The following INSYN2B variants were observed in gnomAD, a reference collection of about 807,000 sequenced individuals.
INSYN2B encodes inhibitory synaptic factor family member 2B.
In INSYN2B, 16 loss-of-function variants were observed where a neutral mutation model predicts 41.2. That is an observed-to-expected ratio of 0.39 (90% confidence interval 0.26 to 0.59). The LOEUF is 0.59. Ranked by LOEUF, INSYN2B falls within the 20% of genes least tolerant of loss-of-function variation. INSYN2B has a pLI of 0.57. For synonymous variants in INSYN2B, 245 were observed against 244.4 expected (o/e 1.00, Z -0.02); for missense variants, 608 against 646.4 (o/e 0.94, Z 0.64).
chr5:169,869,981 A>G lies in INSYN2B; in HGVS notation c.1422-5522T>C, dbSNP rs756148832. Among the ~76,000 whole-genome samples, 75 of 152,280 alleles carry G rather than the reference A, an allele frequency of 4.9e-4. 1 individual carries two copies. The highest frequency in any genetic ancestry group is 6.0e-4 in the Non-Finnish European group (41 of 68,034). On this transcript the variant is annotated intron_variant, in intron 3 of 3. Transcript: ENST00000377365. ...GAACCCTGGCTTACAGTGGAGGGCA[A>G]ATAGTAGTTAAGAAATTGTTACAAT... is the stretch of plus-strand genomic sequence containing the variant.
chr5:169,875,988 T>A (rs1561786787), intron 3 of INSYN2B: 1 of 152,248 alleles, frequency 6.6e-6, no homozygotes, highest in Non-Finnish European at 1.5e-5. Context: ...CCTCCAGAGC[T>A]GTAAATCAGA....
At chr5:169,874,274 G>A (rs1013113611) in intron 3 of INSYN2B, among the ~76,000 whole-genome samples, 2 of 151,998 alleles carry the variant, frequency 1.3e-5, no homozygotes, top group Non-Finnish European at 2.9e-5. Context: ...TTAGCTGGGT[G>A]TGGTGGCGGG....
At chr5:169,900,771 G>A (rs753832180) in intron 1 of INSYN2B, among the ~76,000 whole-genome samples, 19 of 151,886 alleles carry the variant, frequency 1.3e-4, no homozygotes, top group African/African-American at 2.7e-4. Flanking sequence ...AGGGAGAGCC[G>A]CAAAGAAGCT....
intron 1 of INSYN2B, among the ~76,000 whole-genome samples, chr5:169,960,950 A>G (rs1025650420): frequency 2.0e-5 from 3 of 152,204 alleles, no homozygotes; most frequent in African/African-American, 7.2e-5. Context: ...TGAACTGAAT[A>G]TATATACTAG....
chr5:169,886,919 T>C lies in INSYN2B; in HGVS notation c.-918-2103A>G, dbSNP rs147539492. Among the ~76,000 whole-genome samples the C allele has an allele frequency of 1.7e-4, 26 of 152,318 alleles. No individual in the cohort carries two copies. The East Asian group carries it at 5.0e-3, about 29-fold the overall frequency. On this transcript the variant is annotated intron_variant, in intron 1 of 3. Coordinates refer to ENST00000377365, the MANE Select transcript of INSYN2B (RefSeq NM_001129891.3). ...ATTGATTATGTGCCAGGCATTGTGA[T>C]TGGTATGTTTCATTTACTCTCTTCC...
At chr5:169,869,522 G>C (rs1771809938) in intron 3 of INSYN2B, among the ~76,000 whole-genome samples, 1 of 152,190 alleles carries the variant, frequency 6.6e-6, no homozygotes, top group South Asian at 2.1e-4. Context: ...CAGTTTGGAA[G>C]GGAGGAGAGG....
At position 169,976,595 on chromosome 5, in the gene INSYN2B, A is replaced by T. The variant is rs1581495621; in HGVS notation, c.-919+3682T>A. On this transcript the variant is annotated intron_variant, in intron 1 of 3. Transcript: ENST00000377365. ...TCAAGTGATCTCAAAAAGAAAAAAA[A>T]GAAGAAAATTTAAAGTGATTTCACA... Among the ~76,000 whole-genome samples the T allele has an allele frequency of 3.3e-5, 5 of 152,232 alleles. No homozygotes were observed. The South Asian group carries it at 1.0e-3, about 32-fold the overall frequency.
chr5:169,900,140 G>C (rs931312485), intron 1 of INSYN2B, among the ~76,000 whole-genome samples: 1 of 152,176 alleles, frequency 6.6e-6, no homozygotes, highest in African/African-American at 2.4e-5. Context: ...ACACCTCCAA[G>C]CTCTCAGATC....
At chr5:169,871,597 G>A (rs988891659) in intron 3 of INSYN2B, among the ~76,000 whole-genome samples, 23 of 152,288 alleles carry the variant, frequency 1.5e-4, no homozygotes, top group Admixed American at 7.2e-4. Context: ...GTCAGAATCC[G>A]AACCCTGACA....
chr5:169,902,826 G>T (rs752708351), intron 1 of INSYN2B, among the ~76,000 whole-genome samples: 1 of 152,230 alleles, frequency 6.6e-6, no homozygotes, highest in Non-Finnish European at 1.5e-5. Flanking sequence ...GAGGCCAGGC[G>T]TGGTGGCTCA....
chr5:169,923,520 A>G (rs1775286699), intron 1 of INSYN2B, among the ~76,000 whole-genome samples: 1 of 151,726 alleles, frequency 6.6e-6, no homozygotes, highest in Admixed American at 6.6e-5. Flanking sequence ...CACTCTTTGC[A>G]GGGGAATTTT....
intron 3 of INSYN2B, 50 bp downstream of exon 3, chr5:169,881,318 A>T: frequency 6.9e-7 from 1 of 1,447,712 alleles, no homozygotes; most frequent in Non-Finnish European, 9.5e-7. Flanking sequence ...TGTTCAGCGG[A>T]CCCTATGGCT....
intron 1 of INSYN2B, among the ~76,000 whole-genome samples, chr5:169,963,272 T>A (rs1372687212): frequency 6.6e-6 from 1 of 152,074 alleles, no homozygotes; most frequent in Non-Finnish European, 1.5e-5. Context: ...TGATGACAGA[T>A]CCCTTATTTT....
chr5:169,877,056 G>T (rs1278693695), intron 3 of INSYN2B, among the ~76,000 whole-genome samples: 4 of 152,200 alleles, frequency 2.6e-5, no homozygotes, highest in Admixed American at 2.6e-4. Context: ...GGAAGGATTG[G>T]ATTGTGAGGT....
chr5:169,884,162 T>C lies in INSYN2B; in HGVS notation c.-264A>G, dbSNP rs927603873. 1.6e-5 allele frequency: 5 copies of C among 318,340 alleles called. No homozygotes were observed. The highest frequency in any genetic ancestry group is 2.9e-5 in the Non-Finnish European group (5 of 175,274). The allele number at this position is 318,340 out of a possible 1,614,324, so 19.7% of individuals were successfully genotyped here. On this transcript the variant is annotated 5_prime_UTR_variant, in exon 2 of 4. Coordinates refer to ENST00000377365, the MANE Select transcript of INSYN2B (RefSeq NM_001129891.3). ...TTGCTCCTTGGAAAAACAAATGAGT[T>C]AGGCTAACTATTAAACATCTGATCT...
intron 3 of INSYN2B, among the ~76,000 whole-genome samples, chr5:169,871,200 A>G (rs58235678): frequency 7.9e-5 from 12 of 152,274 alleles, no homozygotes; most frequent in African/African-American, 2.9e-4. Context: ...AGGGTACACA[A>G]ACATTCAGTC....
intron 1 of INSYN2B, among the ~76,000 whole-genome samples, chr5:169,901,278 G>A (rs1011371894): frequency 1.3e-5 from 2 of 152,162 alleles, no homozygotes; most frequent in African/African-American, 4.8e-5. Context: ...TAAAGGAAAG[G>A]CCAGCTTGGA....
intron 1 of INSYN2B, among the ~76,000 whole-genome samples, chr5:169,892,068 T>C (rs991680237): frequency 1.3e-5 from 2 of 151,584 alleles, no homozygotes; most frequent in Non-Finnish European, 2.9e-5. Flanking sequence ...ACTTTAGACC[T>C]TGGGGAGAAT....
chr5:169,891,790 T>G lies in INSYN2B; in HGVS notation c.-918-6974A>C, dbSNP rs575674916. 6.6e-5 allele frequency among the ~76,000 whole-genome samples: 10 copies of G among 151,988 alleles called. No individual in the cohort carries two copies. In the East Asian group the frequency reaches 1.9e-3, roughly 29 times the overall value. ...ACAAGGTCAGGAGTTCAAGACCAGC[T>G]TGGACCAGCTTGGGCAACATAGTGA... On this transcript the variant is annotated intron_variant, in intron 1 of 3. Transcript: ENST00000377365.
Sources: gnomAD v4.1 joint callset for allele counts (sites outside exome capture counted in the v4.1 genomes callset) on GRCh38, gnomAD v4.1.1 for gene constraint, MANE v1.5 for transcripts, NCBI Gene and HGNC (gene_info 2026-07-23, HGNC 2026-07-21) for gene names.